The following PTPRO variants were observed in gnomAD, a reference collection of about 807,000 sequenced individuals.
PTPRO encodes receptor-type tyrosine-protein phosphatase O.
PTPRO carries 62 observed loss-of-function variants against 145.2 expected under a neutral mutation model. The ratio of observed to expected loss-of-function variants is 0.43; its 90% CI spans 0.35 to 0.53. The LOEUF (loss-of-function observed/expected upper bound fraction) is 0.53. Among genes scored for constraint, PTPRO ranks in the 20% least tolerant of loss-of-function variants. PTPRO has a pLI of 0.01. For synonymous variants in PTPRO, 565 were observed against 514.7 expected, an observed-to-expected ratio of 1.10 and a Z score of -1.32; for missense variants, 1,345 against 1,482.7, an observed-to-expected ratio of 0.91 and a Z score of 1.53.
chr12:15,518,480 C>G (rs1478518891), intron 9 of PTPRO, among the ~76,000 whole-genome samples: 1 of 152,224 alleles, frequency 6.6e-6, no homozygotes, highest in Non-Finnish European at 1.5e-5. Context: ...CTCCTCATTA[C>G]TTATTCAAAT....
chr12:15,394,361 C>A (rs1450463444), intron 1 of PTPRO, among the ~76,000 whole-genome samples: 1 of 152,000 alleles, frequency 6.6e-6, no homozygotes, highest in Admixed American at 6.6e-5. Context: ...ATTTCTCTTA[C>A]TGAGAGGGAC....
At chr12:15,560,814 T>A (rs570751663) in intron 17 of PTPRO, among the ~76,000 whole-genome samples, 10 of 152,208 alleles carry the variant, frequency 6.6e-5, no homozygotes, top group African/African-American at 2.4e-4. Context: ...ATTTTAGAAA[T>A]GTGGAAATAG....
chr12:15,580,231 A>T (rs1252218039), intron 21 of PTPRO, 116 bp downstream of exon 21: 3 of 810,364 alleles, frequency 3.7e-6, no homozygotes, highest in African/African-American at 3.4e-5. Flanking sequence ...CCAGCAATTG[A>T]ATTCTAAAAA....
intron 12 of PTPRO, 107 bp downstream of exon 12, chr12:15,526,369 A>AT (rs1591687544): frequency 3.5e-6 from 5 of 1,442,838 alleles, no homozygotes; most frequent in Non-Finnish European, 3.9e-6. Flanking sequence ...AAAATGGCTA[A>AT]TTTTTTATGA....
chr12:15,484,339 G>C, intron 2 of PTPRO, 92 bp downstream of exon 2: 4 of 1,448,006 alleles, frequency 2.8e-6, no homozygotes, highest in Non-Finnish European at 3.8e-6. Flanking sequence ...ACCCAGAATG[G>C]CAAAATCACT....
At chr12:15,464,058 G>C (rs913687536) in intron 1 of PTPRO, among the ~76,000 whole-genome samples, 31 of 152,216 alleles carry the variant, frequency 2.0e-4, no homozygotes, top group Admixed American at 1.9e-3. Flanking sequence ...AAATCTCCCA[G>C]AAATTTTATA....
chr12:15,405,703 A>C (rs1939629665), intron 1 of PTPRO, among the ~76,000 whole-genome samples: 1 of 152,236 alleles, frequency 6.6e-6, no homozygotes, highest in Non-Finnish European at 1.5e-5. Context: ...AAGAGAATGA[A>C]GGACTTTAAA....
chr12:15,587,302 A>C (rs763776079), intron 24 of PTPRO: 2 of 474,800 alleles, frequency 4.2e-6, no homozygotes, highest in Non-Finnish European at 7.6e-6. Flanking sequence ...AGAGATGTTA[A>C]GGGATTCACA....
At chr12:15,454,649 C>T (rs1454563367) in intron 1 of PTPRO, among the ~76,000 whole-genome samples, 1 of 152,172 alleles carries the variant, frequency 6.6e-6, no homozygotes, top group African/African-American at 2.4e-5. Flanking sequence ...TCCAACAAAT[C>T]ACTACCACAA....
chr12:15,536,167 C>T (rs112488845), intron 12 of PTPRO, among the ~76,000 whole-genome samples: 2,332 of 152,154 alleles, frequency 0.015, 20 homozygotes, highest in South Asian at 0.038. Context: ...AAAATGTCAA[C>T]CCTCATTCTA....
intron 1 of PTPRO, among the ~76,000 whole-genome samples, chr12:15,396,727 T>C (rs562903876): frequency 2.6e-5 from 4 of 152,280 alleles, no homozygotes; most frequent in East Asian, 1.9e-4. Flanking sequence ...TATGATTCTA[T>C]AGAGGAAGAA....
intron 1 of PTPRO, among the ~76,000 whole-genome samples, chr12:15,345,643 T>G (rs1015087447): frequency 5.9e-5 from 9 of 152,010 alleles, no homozygotes; most frequent in African/African-American, 2.2e-4. Flanking sequence ...AAATACCTAA[T>G]GTTGATGATT....
chr12:15,532,923 C>T (rs749610078), intron 12 of PTPRO, among the ~76,000 whole-genome samples: 1 of 152,168 alleles, frequency 6.6e-6, no homozygotes, highest in Non-Finnish European at 1.5e-5. Context: ...GCAGCTTTCT[C>T]CAACTCATTT....
At chr12:15,583,768 G>A (rs552207609) in intron 23 of PTPRO, among the ~76,000 whole-genome samples, 3 of 152,136 alleles carry the variant, frequency 2.0e-5, no homozygotes, top group East Asian at 1.9e-4. Context: ...AAGATTGCCC[G>A]TATCAATACA....
intron 12 of PTPRO, among the ~76,000 whole-genome samples, chr12:15,529,927 G>A (rs1173963618): frequency 6.6e-6 from 1 of 152,158 alleles, no homozygotes; most frequent in Non-Finnish European, 1.5e-5. Flanking sequence ...TCACAGTGTG[G>A]CTGAATGGAT....
At chr12:15,510,182 A>G (rs1264165061) in intron 7 of PTPRO, among the ~76,000 whole-genome samples, 1 of 152,222 alleles carries the variant, frequency 6.6e-6, no homozygotes, top group Non-Finnish European at 1.5e-5. Flanking sequence ...AAACAATGAT[A>G]AATTGTAAAT....
At chr12:15,564,370 G>C (rs1943847071) in intron 17 of PTPRO, among the ~76,000 whole-genome samples, 1 of 152,182 alleles carries the variant, frequency 6.6e-6, no homozygotes, top group Non-Finnish European at 1.5e-5. Flanking sequence ...GAATCATTAG[G>C]TGAAATTCAG....
intron 1 of PTPRO, among the ~76,000 whole-genome samples, chr12:15,454,193 AC>A (rs1188799845): frequency 2.6e-5 from 4 of 152,160 alleles, no homozygotes; most frequent in African/African-American, 9.7e-5. Context: ...ATTCCCAACA[AC>A]AGGGTAAAAA....
intron 1 of PTPRO, among the ~76,000 whole-genome samples, chr12:15,377,803 C>G (rs903149548): frequency 5.3e-5 from 8 of 151,976 alleles, no homozygotes; most frequent in Admixed American, 2.0e-4. Flanking sequence ...TGTTCTCTGA[C>G]CACAAGAAAA....
Sources: allele counts gnomAD v4.1 joint callset (sites outside exome capture counted in the v4.1 genomes callset), GRCh38; gene constraint gnomAD v4.1.1; transcripts MANE v1.5; gene names NCBI Gene and HGNC (gene_info 2026-07-23, HGNC 2026-07-21).